The following RYR1 variants were observed in gnomAD, a reference collection of about 807,000 sequenced individuals.
RYR1 encodes ryanodine receptor 1, also known as central core disease of muscle.
Under a neutral mutation model 583.5 loss-of-function variants are expected in RYR1, and 342 were observed. The observed-to-expected ratio is 0.59, with a 90% CI of 0.54 to 0.64. The LOEUF (loss-of-function observed/expected upper bound fraction) is 0.64. Ranked by LOEUF, RYR1 falls within the 30% of genes least tolerant of loss-of-function variation. The probability of loss-of-function intolerance (pLI) is 0.00; values close to 1 mark genes in which losing one functional copy is unlikely to be tolerated. For missense variants in RYR1, 6,032 were observed against 6,917.2 expected (o/e 0.87, Z 4.54); for synonymous variants, 2,791 against 2,822.5 (o/e 0.99, Z 0.35).
chr19:38,444,456 G>A lies in RYR1; in HGVS notation c.538-128G>A. The stretch of plus-strand genomic sequence containing the variant: ...CCGACTTGATCATTTCCTGATCTGT[G>A]ATCTCTGATGACTCTGTCTCCCATC... On this transcript the variant is annotated intron_variant, in intron 6 of 105. Transcript: ENST00000359596. The surrounding 1 kb of genome is among the most constrained non-coding windows in gnomAD (Gnocchi z 5.1). The A allele has an allele frequency of 1.1e-6, 1 of 877,462 alleles. No homozygotes were observed. Among genetic ancestry groups the A allele is most frequent in the Non-Finnish European group, 1.9e-6 (1 of 533,882 alleles). The allele number at this position is 877,462 out of a possible 1,614,324, so 54.4% of individuals were successfully genotyped here.
Position 38,517,794 on chromosome 19 carries a change from G to A in RYR1, c.10018+103G>A, listed in dbSNP as rs943388073. ...CCCATGGTCCCCTCGGAGTTGGGAG[G>A]AGTCAGAGTGTAGGTTTTTTCAGCA... On this transcript the variant is annotated intron_variant, in intron 66 of 105. Transcript: ENST00000359596. The A allele has an allele frequency of 3.5e-6, 4 of 1,150,842 alleles. No individual in the cohort carries two copies. In the African/African-American group the frequency reaches 6.1e-5, roughly 17 times the overall value. 71.3% of individuals were successfully genotyped at this position (1,150,842 alleles called of 1,614,324 possible). A position where few individuals can be genotyped will look rare whatever the true frequency, so the allele number is the denominator to read the frequency against.
Position 38,512,523 on chromosome 19 carries a change from G to C in RYR1, c.9472+40G>C, listed in dbSNP as rs557714937. 3.2e-6 allele frequency: 5 copies of C among 1,582,438 alleles called. No individual in the cohort carries two copies. The African/African-American group carries it at 6.7e-5, about 21-fold the overall frequency. Reference sequence around the variant, plus strand: ...CCCAAGGGCAGGTTGCGGGGAGTCAGTGTGGCCAACACCACCCATCCGGGT... The same window carrying C: ...CCCAAGGGCAGGTTGCGGGGAGTCACTGTGGCCAACACCACCCATCCGGGT... On this transcript the variant is annotated intron_variant, in intron 63 of 105. Transcript: ENST00000359596. This position sits in a 1 kb window ranked among gnomAD's most constrained non-coding sequence, Gnocchi z 5.1.
At position 38,499,837 on chromosome 19, in the gene RYR1, C is replaced by T. The variant is rs1419864667; in HGVS notation, c.7214+16C>T. 1.2e-6 allele frequency: 2 copies of T among 1,610,224 alleles called. No individual in the cohort carries two copies. Among genetic ancestry groups the T allele is most frequent in the African/African-American group, 1.3e-5 (1 of 74,866 alleles). The stretch of plus-strand genomic sequence containing the variant: ...GGCGCGAGCAGTGAGTCTCCCGGCC[C>T]CCTCCTCAATAGGGCAACCCGCCCT... On this transcript the variant is annotated intron_variant, in intron 44 of 105. Transcript: ENST00000359596. The surrounding 1 kb of genome is among the most constrained non-coding windows in gnomAD (Gnocchi z 7.3).
intron 27 of RYR1, among the ~76,000 whole-genome samples, chr19:38,471,132 C>G (rs971037305): frequency 3.9e-5 from 6 of 152,344 alleles, no homozygotes; most frequent in Admixed American, 3.3e-4. Context: ...CTGTGGTGTG[C>G]TCAGTTGGGA....
intron 47 of RYR1, 145 bp downstream of exon 47, chr19:38,501,135 A>T: frequency 1.3e-6 from 1 of 792,562 alleles, no homozygotes; most frequent in African/African-American, 1.7e-5. Context: ...CAAGATAGAA[A>T]ATGAAAACGA....
rs193922796 is a variant in RYR1 at position 38,496,414 on chromosome 19, C to T, written c.6669C>T (p.Ile2223=). ...GACCACCCTGCCTGTCCCAGGAGAT[C>T]CGCTTCCCCAAGATGGTGACAAGCT... ...NVLGGGESKE[I]RFPKMVTSCC... is the part of the protein sequence containing the mutation. Residue 2223 remains isoleucine, a synonymous_variant, in exon 41 of 106, where the codon ATC becomes ATT. Coordinates refer to ENST00000359596, the MANE Select transcript of RYR1 (RefSeq NM_000540.3). This position sits in a 1 kb window ranked among gnomAD's most constrained non-coding sequence, Gnocchi z 4.8. 11 of 1,613,888 alleles carry T rather than the reference C, an allele frequency of 6.8e-6. No homozygotes were observed. In the South Asian group the frequency reaches 1.2e-4, roughly 18 times the overall value.
chr19:38,517,749 C>T, intron 66 of RYR1, 58 bp downstream of exon 66: 2 of 1,526,768 alleles, frequency 1.3e-6, no homozygotes, highest in East Asian at 2.2e-5. Flanking sequence ...GCTCCCTTGG[C>T]AGATGGTCTG....
chr19:38,459,786 C>G (rs1220298880), intron 19 of RYR1, among the ~76,000 whole-genome samples: 5 of 152,068 alleles, frequency 3.3e-5, no homozygotes, highest in African/African-American at 9.7e-5. Flanking sequence ...CTAATGACTT[C>G]AGACTCTTCC....
At position 38,494,295 on chromosome 19, in the gene RYR1, C is replaced by G. The variant is rs1028631896; in HGVS notation, c.6275-57C>G. On this transcript the variant is annotated intron_variant, in intron 38 of 105. Coordinates refer to ENST00000359596, the MANE Select transcript of RYR1 (RefSeq NM_000540.3). ...CTTCCACATTGTTCTGGTCCAAGGC[C>G]CCATGTGCCGACCTGCCCTGCATGG... 9 of 1,607,372 alleles carry G rather than the reference C, an allele frequency of 5.6e-6. No individual in the cohort carries two copies. In the South Asian group the frequency reaches 9.9e-5, roughly 18 times the overall value.
intron 31 of RYR1, among the ~76,000 whole-genome samples, chr19:38,479,441 T>C (rs1246674394): frequency 3.9e-5 from 6 of 152,210 alleles, no homozygotes; most frequent in Non-Finnish European, 5.9e-5. Context: ...AGGGCCTCAC[T>C]CTGTCCCCCA....
intron 97 of RYR1, among the ~76,000 whole-genome samples, chr19:38,577,363 C>T (rs374028108): frequency 1.3e-5 from 2 of 152,152 alleles, no homozygotes; most frequent in African/African-American, 4.8e-5. Context: ...CTCATATTTA[C>T]GGAGCACCTA....
At chr19:38,453,674 TG>T (rs1291201654) in intron 13 of RYR1, among the ~76,000 whole-genome samples, 3 of 150,698 alleles carry the variant, frequency 2.0e-5, no homozygotes, top group African/African-American at 7.3e-5. Context: ...TAGGGAGTGT[TG>T]GGGTTTTGCA....
At chr19:38,587,293 G>T in intron 105 of RYR1, 32 bp from the exon 106 acceptor site, 1 of 1,431,628 alleles carries the variant, frequency 7.0e-7, no homozygotes, top group Non-Finnish European at 9.9e-7. Context: ...TTGAAGATGT[G>T]ACCAATGAAC....
At chr19:38,494,067 G>T (rs1004786014) in intron 38 of RYR1, among the ~76,000 whole-genome samples, 1 of 152,140 alleles carries the variant, frequency 6.6e-6, no homozygotes, top group Non-Finnish European at 1.5e-5. Flanking sequence ...CCTTTGGGAG[G>T]CCACAGTAGG....
intron 50 of RYR1, 105 bp downstream of exon 50, chr19:38,504,465 A>G: frequency 1.4e-6 from 2 of 1,411,362 alleles, no homozygotes; most frequent in Non-Finnish European, 1.9e-6. Context: ...CAAGGAGGAG[A>G]AGGTTCTGCA....
Position 38,528,318 on chromosome 19 carries a change from T to G in RYR1, c.10837T>G (p.Tyr3613Asp). 1 of 1,614,090 alleles carries G rather than the reference T, an allele frequency of 6.2e-7. No homozygotes were observed. The highest frequency in any genetic ancestry group is 8.5e-7 in the Non-Finnish European group (1 of 1,180,010). ...LYYLDQTEHP[Y>D]KSKKAVWHKL... ...ATCCCCTCCCCAGACCGAGCACCCT[T>G]ACAAGTCTAAGAAGGCCGTGTGGCA... Residue 3613 changes from tyrosine (Y) to aspartate (D), a missense_variant, in exon 74 of 106, where the codon TAC becomes GAC. Physicochemically the swap from Tyr to Asp is radical, Grantham distance 160. Transcript: ENST00000359596.
At chr19:38,459,400 C>T (rs1010838068) in intron 19 of RYR1, 62 bp downstream of exon 19, 6 of 1,498,418 alleles carry the variant, frequency 4.0e-6, no homozygotes, top group Non-Finnish European at 5.5e-6. Flanking sequence ...GAGACAGCTT[C>T]CCCAGTCACT....
At chr19:38,545,228 G>T (rs751709946) in intron 87 of RYR1, among the ~76,000 whole-genome samples, 1 of 152,164 alleles carries the variant, frequency 6.6e-6, no homozygotes, top group Non-Finnish European at 1.5e-5. Flanking sequence ...AGCCCCATGT[G>T]CTCTGACTGT....
chr19:38,538,351 G>A (rs1972064602), intron 84 of RYR1, among the ~76,000 whole-genome samples: 1 of 152,162 alleles, frequency 6.6e-6, no homozygotes, highest in South Asian at 2.1e-4. Context: ...AGTGAGCCAA[G>A]ATCGCACCAT....
Sources: allele counts gnomAD v4.1 joint callset (sites outside exome capture counted in the v4.1 genomes callset), GRCh38; gene constraint gnomAD v4.1.1; non-coding constraint Gnocchi (gnomAD v3.1); transcripts MANE v1.5; gene names NCBI Gene and HGNC (gene_info 2026-07-23, HGNC 2026-07-21).